The following INSR variants were observed in gnomAD, a reference collection of about 807,000 sequenced individuals.
INSR encodes insulin receptor, also known as IR.
A neutral mutation model predicts 142.6 loss-of-function variants in INSR; 67 were observed. That is an observed-to-expected ratio of 0.47 (90% CI 0.39 to 0.58). The LOEUF (loss-of-function observed/expected upper bound fraction) is 0.58. Among genes scored for constraint, INSR ranks in the 20% least tolerant of loss-of-function variants. INSR has a pLI of 0.00. For missense variants in INSR, 1,248 were observed against 1,833.2 expected (o/e 0.68, Z 5.83); for synonymous variants, 756 against 743.1 (o/e 1.02, Z -0.28).
intron 14 of INSR, among the ~76,000 whole-genome samples, chr19:7,130,153 A>G (rs1009756431): frequency 2.0e-4 from 31 of 152,238 alleles, no homozygotes; most frequent in African/African-American, 7.0e-4. Context: ...ATCTCCATGT[A>G]CAGATGAGGA....
chr19:7,140,680 TG>T (rs1159502476), intron 13 of INSR, among the ~76,000 whole-genome samples: 1 of 152,112 alleles, frequency 6.6e-6, no homozygotes, highest in Non-Finnish European at 1.5e-5. Context: ...TTTCTGAAAT[TG>T]GAATGCATCT....
At chr19:7,169,778 T>C (rs1315913560) in intron 6 of INSR, among the ~76,000 whole-genome samples, 1 of 152,180 alleles carries the variant, frequency 6.6e-6, no homozygotes, top group Non-Finnish European at 1.5e-5. Flanking sequence ...CATTCATCCA[T>C]CATTCATTCA....
Position 7,293,800 on chromosome 19 carries a change from G to T in INSR, c.92C>A (p.Pro31His). Residue 31 changes from proline (P) to histidine (H), a missense_variant, in exon 1 of 22, where the codon CCC becomes CAC. By Grantham distance (77) the Pro-to-His change is moderately conservative. This residue lies in a region of INSR where 57 missense variants were observed against 49.5 expected (regional missense o/e 1.15). Transcript: ENST00000302850. ...LLLGAAGHLY[P>H]GEVCPGMDIR... is the part of the protein sequence containing the mutation. ...CGCGCCCCCAGACTCACCCTCTCCG[G>T]GGTACAGGTGGCCCGCGGCGCCCAG... The T allele has an allele frequency of 1.5e-6, 2 of 1,358,326 alleles. No homozygotes were observed. The highest frequency in any genetic ancestry group is 1.9e-6 in the Non-Finnish European group (2 of 1,050,882). The allele number at this position is 1,358,326 out of a possible 1,614,324, so 84.1% of individuals were successfully genotyped here.
At chr19:7,137,623 A>G (rs986629154) in intron 13 of INSR, among the ~76,000 whole-genome samples, 3 of 151,948 alleles carry the variant, frequency 2.0e-5, no homozygotes, top group African/African-American at 7.3e-5. Context: ...CCTCGTCTCC[A>G]TTAAAAATAC....
chr19:7,178,029 G>T (rs987080999), intron 3 of INSR, among the ~76,000 whole-genome samples: 2 of 152,128 alleles, frequency 1.3e-5, no homozygotes, highest in East Asian at 3.9e-4. Flanking sequence ...TGCTACAAGG[G>T]TCATTTTTTA....
chr19:7,127,232 T>C (rs1048328308), intron 15 of INSR, among the ~76,000 whole-genome samples: 3 of 152,140 alleles, frequency 2.0e-5, no homozygotes, highest in Non-Finnish European at 4.4e-5. Context: ...TGGCCATCCA[T>C]GTAACACTTA....
At chr19:7,210,999 G>A (rs1176061414) in intron 2 of INSR, among the ~76,000 whole-genome samples, 2 of 152,162 alleles carry the variant, frequency 1.3e-5, no homozygotes, top group African/African-American at 4.8e-5. Context: ...GGGATTACAG[G>A]TGTTGATCAA....
chr19:7,250,576 A>G (rs1162796744), intron 2 of INSR, among the ~76,000 whole-genome samples: 25 of 109,604 alleles, frequency 2.3e-4, no homozygotes, highest in African/African-American at 8.7e-4. Flanking sequence ...AAAGGAAGGA[A>G]GGAGGGAGGG....
At chr19:7,175,662 C>A (rs927689464) in intron 3 of INSR, among the ~76,000 whole-genome samples, 2 of 152,104 alleles carry the variant, frequency 1.3e-5, no homozygotes, top group Non-Finnish European at 1.5e-5. Flanking sequence ...TGGTGAAACC[C>A]TGTCTCTACT....
chr19:7,190,472 A>C (rs971859401), intron 2 of INSR, among the ~76,000 whole-genome samples: 2 of 150,298 alleles, frequency 1.3e-5, no homozygotes, highest in African/African-American at 4.9e-5. Context: ...TCCCGGGTTC[A>C]AGCAATTCTC....
intron 2 of INSR, among the ~76,000 whole-genome samples, chr19:7,188,149 C>T (rs937721415): frequency 2.7e-4 from 41 of 152,166 alleles, no homozygotes; most frequent in African/African-American, 9.6e-4. Flanking sequence ...GGTCCTTACA[C>T]AGATCTTCCC....
At chr19:7,265,789 G>T (rs1967707981) in intron 2 of INSR, among the ~76,000 whole-genome samples, 1 of 151,752 alleles carries the variant, frequency 6.6e-6, no homozygotes, top group South Asian at 2.1e-4. Flanking sequence ...ACCTTTCATG[G>T]GTAGAAGAAG....
In INSR at chr19:7,172,354, C is replaced by T. The variant is rs144929085; in HGVS notation, c.1204G>A (p.Ala402Thr). 3.7e-6 allele frequency: 6 copies of T among 1,613,988 alleles called. No individual in the cohort carries two copies. In the African/African-American group the frequency reaches 5.3e-5, roughly 14 times the overall value. Residue 402 changes from alanine to threonine, a missense_variant, in exon 5 of 22, where the codon GCT becomes ACT. Physicochemically the swap from Ala to Thr is moderately conservative, Grantham distance 58. Transcript: ENST00000302850. ...CGGAAGAAGGAAAGTGACACCAGAG[C>T]GTAGGATCGGCGGATTTTTAGATAC... ...SGYLKIRRSY[A>T]LVSLSFFRKL...
At chr19:7,228,339 G>A (rs1453033534) in intron 2 of INSR, among the ~76,000 whole-genome samples, 1 of 152,186 alleles carries the variant, frequency 6.6e-6, no homozygotes, top group Non-Finnish European at 1.5e-5. Context: ...ATTATACACA[G>A]ACAAATGTCG....
rs1271380762 is a variant in INSR at position 7,114,072 on chromosome 19, A to T, written c.*2984T>A. ...CAAAAAAAAAAAAAAAAAAAAAAAAAGCGTTCAGCACATTAATGGGTTTTG... is the reference window on the plus strand; with the variant it reads ...CAAAAAAAAAAAAAAAAAAAAAAAATGCGTTCAGCACATTAATGGGTTTTG... On this transcript the variant is annotated 3_prime_UTR_variant, in exon 22 of 22. Transcript: ENST00000302850. The T allele has an allele frequency of 7.1e-6, 1 of 140,140 alleles. No individual in the cohort carries two copies. The highest frequency in any genetic ancestry group is 1.6e-5 in the Non-Finnish European group (1 of 63,860). The allele number at this position is 140,140 out of a possible 1,614,324, so 8.7% of individuals were successfully genotyped here.
intron 1 of INSR, among the ~76,000 whole-genome samples, chr19:7,292,475 G>GGGT (rs1555693261): frequency 8.2e-6 from 1 of 121,754 alleles, no homozygotes; most frequent in Admixed American, 9.3e-5. Flanking sequence ...GGGGCTGGGG[G>GGGT]GGGGTGGGCC....
At chr19:7,171,816 C>T (rs1256778910) in intron 5 of INSR, among the ~76,000 whole-genome samples, 5 of 152,014 alleles carry the variant, frequency 3.3e-5, no homozygotes, top group Non-Finnish European at 7.4e-5. Flanking sequence ...AGGCACATTC[C>T]AAGTTCTTTT....
intron 2 of INSR, among the ~76,000 whole-genome samples, chr19:7,231,002 T>G (rs1462357014): frequency 6.6e-6 from 1 of 152,070 alleles, no homozygotes; most frequent in South Asian, 2.1e-4. Flanking sequence ...GCTGCGGCCT[T>G]TAGAAGCCTC....
chr19:7,160,444 G>A (rs1973717554), intron 9 of INSR, among the ~76,000 whole-genome samples: 1 of 151,720 alleles, frequency 6.6e-6, no homozygotes, highest in African/African-American at 2.4e-5. Flanking sequence ...ACTGTGCCCG[G>A]CCTAAAAAAT....
Sources: gnomAD v4.1 joint callset for allele counts (sites outside exome capture counted in the v4.1 genomes callset) on GRCh38, gnomAD v4.1.1 for gene constraint, gnomAD v4.1.1 regional missense constraint, MANE v1.5 for transcripts, NCBI Gene and HGNC (gene_info 2026-07-23, HGNC 2026-07-21) for gene names.